Variants in COL16A1 observed in about 807,000 individuals in gnomAD.
The protein encoded by COL16A1 is collagen alpha-1(XVI) chain.
Under a neutral mutation model 266.3 loss-of-function variants are expected in COL16A1, and 189 were observed. The ratio of observed to expected loss-of-function variants is 0.71; its 90% CI spans 0.63 to 0.80. The LOEUF is 0.80. Among genes scored for constraint, COL16A1 ranks in the 30% least tolerant of loss-of-function variants. The probability of loss-of-function intolerance (pLI) is 0.00; values close to 1 mark genes in which losing one functional copy is unlikely to be tolerated. For synonymous variants in COL16A1, 740 were observed against 782.3 expected (o/e 0.95, Z 0.90); for missense variants, 1,928 against 2,122.4 (o/e 0.91, Z 1.80).
chr1:31,692,519 G>C lies in COL16A1; in HGVS notation c.1159-10C>G. 1 of 1,614,010 alleles carries C rather than the reference G, an allele frequency of 6.2e-7. No individual in the cohort carries two copies. The highest frequency in any genetic ancestry group is 8.5e-7 in the Non-Finnish European group (1 of 1,179,922). On this transcript the variant is annotated splice_polypyrimidine_tract_variant and intron_variant, in intron 15 of 70. Coordinates refer to ENST00000373672, the MANE Select transcript of COL16A1 (RefSeq NM_001856.4). ...GGAGTCCTGAGGGTCCCTGAGATGA[G>C]GAAGGGAGACAGAGGAAGGGAGGGT... is the stretch of plus-strand genomic sequence containing the variant.
chr1:31,689,616 G>A, intron 23 of COL16A1, 125 bp downstream of exon 23: 2 of 759,036 alleles, frequency 2.6e-6, no homozygotes, highest in Non-Finnish European at 2.3e-6. Context: ...TAGACTCTCT[G>A]CCCATAATCT....
chr1:31,656,589 C>T lies in COL16A1; in HGVS notation c.4057-145G>A. ...GCTCTGTGTGAGAAAGGAGCGCAGC[C>T]TCCCTGCCCAGCTGGAAGGGAAAAT... On this transcript the variant is annotated intron_variant, in intron 65 of 70. Coordinates refer to ENST00000373672, the MANE Select transcript of COL16A1 (RefSeq NM_001856.4). This position sits in a 1 kb window ranked among gnomAD's most constrained non-coding sequence, Gnocchi z 4.2. 7.6e-7 allele frequency: 1 copy of T among 1,310,882 alleles called. No individual in the cohort carries two copies. The highest frequency in any genetic ancestry group is 2.5e-5 in the East Asian group (1 of 39,230). The allele number at this position is 1,310,882 out of a possible 1,614,324, so 81.2% of individuals were successfully genotyped here.
intron 54 of COL16A1, 26 bp from the exon 55 acceptor site, chr1:31,665,644 T>G (rs1260743871): frequency 6.2e-7 from 1 of 1,611,540 alleles, no homozygotes; most frequent in Admixed American, 1.7e-5. Context: ...AGGGGCAGTG[T>G]GCTGTGCCAC....
intron 62 of COL16A1, chr1:31,660,003 A>T (rs1641514748): frequency 8.3e-6 from 1 of 120,956 alleles, no homozygotes; most frequent in African/African-American, 2.8e-5. Context: ...AACATTTCCG[A>T]AAGCCTCCTG....
intron 11 of COL16A1, among the ~76,000 whole-genome samples, 193 bp from the exon 12 acceptor site, chr1:31,694,363 G>A (rs1418549993): frequency 6.6e-6 from 1 of 152,186 alleles, no homozygotes; most frequent in Non-Finnish European, 1.5e-5. Flanking sequence ...ATTTGCAGAG[G>A]GTCTAACCTA....
At chr1:31,666,847 G>A (rs1035379554) in intron 52 of COL16A1, among the ~76,000 whole-genome samples, 1 of 152,082 alleles carries the variant, frequency 6.6e-6, no homozygotes, top group Non-Finnish European at 1.5e-5. Flanking sequence ...TCCTCCATGA[G>A]TCCCAGTCCT....
chr1:31,667,909 TCTCAGTTCTTG>T (rs1436152383), intron 51 of COL16A1, among the ~76,000 whole-genome samples: 1 of 152,114 alleles, frequency 6.6e-6, no homozygotes, highest in Non-Finnish European at 1.5e-5. Flanking sequence ...AGGAGGCAGA[TCTCAGTTCTTG>T]CTGTGTCTGG....
At chr1:31,661,787 A>G in intron 58 of COL16A1, 83 bp from the exon 59 acceptor site, 1 of 1,396,132 alleles carries the variant, frequency 7.2e-7, no homozygotes, top group Middle Eastern at 1.8e-4. Context: ...CCCTCTCTCC[A>G]GCCCTCCCCA....
chr1:31,696,176 G>A lies in COL16A1; in HGVS notation c.865-35C>T, dbSNP rs375867966. 4,822 of 1,606,972 alleles carry A rather than the reference G, an allele frequency of 3.0e-3. 15 individuals are homozygous for A. The highest frequency in any genetic ancestry group is 4.0e-3 in the South Asian group (364 of 90,856). ...CAGAGCAAAGAGAAACCCTTGAGGA[G>A]GGGGAAGTTCTGGGGTCCAGGCTGG... On this transcript the variant is annotated intron_variant, in intron 8 of 70. Transcript: ENST00000373672.
intron 10 of COL16A1, 44 bp from the exon 11 acceptor site, chr1:31,695,265 G>T: frequency 4.4e-6 from 7 of 1,607,290 alleles, no homozygotes; most frequent in Non-Finnish European, 6.0e-6. Flanking sequence ...TGAGCCCCTG[G>T]GGTGAGCCCT....
Position 31,668,781 on chromosome 1 carries a change from C to T in COL16A1, c.3249+21G>A, listed in dbSNP as rs1457861848. 6 of 1,613,696 alleles carry T rather than the reference C, an allele frequency of 3.7e-6. No homozygotes were observed. The highest frequency in any genetic ancestry group is 5.1e-6 in the Non-Finnish European group (6 of 1,179,880). ...TTCCTCCCTTTCCAGCCCTTTCCAG[C>T]CCCTGCCAGCTTCTTCTTACCGGCT... On this transcript the variant is annotated intron_variant, in intron 50 of 70. Coordinates refer to ENST00000373672, the MANE Select transcript of COL16A1 (RefSeq NM_001856.4). The surrounding 1 kb of genome is among the most constrained non-coding windows in gnomAD (Gnocchi z 5.8).
intron 70 of COL16A1, among the ~76,000 whole-genome samples, chr1:31,653,156 C>G (rs1374415954): frequency 6.6e-6 from 1 of 152,198 alleles, no homozygotes; most frequent in Non-Finnish European, 1.5e-5. Context: ...GACACAGGCT[C>G]AGAGAGGTTG....
intron 11 of COL16A1, 53 bp from the exon 12 acceptor site, chr1:31,694,223 G>C: frequency 6.6e-7 from 1 of 1,519,094 alleles, no homozygotes; most frequent in Non-Finnish European, 9.0e-7. Context: ...AGAAAACCAG[G>C]GGCCCAGAGA....
chr1:31,663,018 AC>A lies in COL16A1; in HGVS notation c.3556-361del. 1 of 291,550 alleles carries A rather than the reference AC, an allele frequency of 3.4e-6. No individual in the cohort carries two copies. The highest frequency in any genetic ancestry group is 6.6e-6 in the Non-Finnish European group (1 of 152,208). The allele number at this position is 291,550 out of a possible 1,614,324, so 18.1% of individuals were successfully genotyped here. On this transcript the variant is annotated intron_variant, in intron 56 of 70. Transcript: ENST00000373672. This position sits in a 1 kb window ranked among gnomAD's most constrained non-coding sequence, Gnocchi z 4.9. ...TGCCTGTTGTATTCTACTCCATCAG[AC>A]CCCCTGCCTCCTCCCCACCTACCTC...
At chr1:31,655,600 C>A in intron 66 of COL16A1, 98 bp from the exon 67 acceptor site, 1 of 1,546,306 alleles carries the variant, frequency 6.5e-7, no homozygotes, top group Non-Finnish European at 8.7e-7. Context: ...CCAGCGTCTC[C>A]CTCTAGACTG....
chr1:31,695,245 A>G (rs756127318), intron 10 of COL16A1, 24 bp from the exon 11 acceptor site: 2 of 1,613,462 alleles, frequency 1.2e-6, no homozygotes, highest in Admixed American at 1.7e-5. Flanking sequence ...GCAGGCGAAG[A>G]GGTCAATTCT....
In COL16A1 at chr1:31,660,968, AGCCACTTT is replaced by A; in HGVS notation, c.3825+90_3825+97del. 5 of 1,343,574 alleles carry A rather than the reference AGCCACTTT, an allele frequency of 3.7e-6. No homozygotes were observed. In the East Asian group the frequency reaches 1.3e-4, roughly 34 times the overall value. The allele number at this position is 1,343,574 out of a possible 1,614,324, so 83.2% of individuals were successfully genotyped here. On this transcript the variant is annotated intron_variant, in intron 61 of 70. Coordinates refer to ENST00000373672, the MANE Select transcript of COL16A1 (RefSeq NM_001856.4). ...TCCCAGAAGGCTGAGGACAGAAAGC[AGCCACTTT>A]GCCAGTGAGCAGGAAGAAGCGGCTG...
At chr1:31,689,182 AC>A in intron 23 of COL16A1, 97 bp from the exon 24 acceptor site, 1 of 1,584,680 alleles carries the variant, frequency 6.3e-7, no homozygotes, top group Non-Finnish European at 8.6e-7. Flanking sequence ...ACACACGCAA[AC>A]CGTCCAAACA....
chr1:31,685,533 AC>A lies in COL16A1; in HGVS notation c.2016+105del. On this transcript the variant is annotated intron_variant, in intron 29 of 70. Coordinates refer to ENST00000373672, the MANE Select transcript of COL16A1 (RefSeq NM_001856.4). This position sits in a 1 kb window ranked among gnomAD's most constrained non-coding sequence, Gnocchi z 4.0. ...CTGACCCCGCCACACCCTCCCCACT[AC>A]CCCCAACTGCCCAGGGAGTCAAGAG... 1 of 1,348,956 alleles carries A rather than the reference AC, an allele frequency of 7.4e-7. No homozygotes were observed. Among genetic ancestry groups the A allele is most frequent in the Non-Finnish European group, 1.0e-6 (1 of 984,910 alleles). The allele number at this position is 1,348,956 out of a possible 1,614,324, so 83.6% of individuals were successfully genotyped here. A position where few individuals can be genotyped will look rare whatever the true frequency, so the allele number is the denominator to read the frequency against.
Sources: gnomAD v4.1 joint callset for allele counts (sites outside exome capture counted in the v4.1 genomes callset) on GRCh38, gnomAD v4.1.1 for gene constraint, Gnocchi (gnomAD v3.1) non-coding constraint, MANE v1.5 for transcripts, NCBI Gene and HGNC (gene_info 2026-07-23, HGNC 2026-07-21) for gene names.